The following PEX7 variants were observed in gnomAD, a reference collection of about 807,000 sequenced individuals.
PEX7 encodes the protein peroxisomal biogenesis factor 7.
In PEX7, 34 loss-of-function variants were observed where a neutral mutation model predicts 47.5. That is an observed-to-expected ratio of 0.72 (90% CI 0.54 to 0.95). The LOEUF (loss-of-function observed/expected upper bound fraction) is 0.95, where lower values mean the gene tolerates loss of function less well. PEX7 is among the 40% of genes least tolerant of loss of function. The probability of loss-of-function intolerance (pLI) is 0.00; values close to 1 mark genes in which losing one functional copy is unlikely to be tolerated. For synonymous variants in PEX7, 141 were observed against 148.8 expected (o/e 0.95, Z 0.38); for missense variants, 394 against 400.3 (o/e 0.98, Z 0.13).
At position 136,913,453 on chromosome 6, in the gene PEX7, T is replaced by C. The variant is rs1373481306; in HGVS notation, c.904-5T>C. 1 of 1,607,836 alleles carries C rather than the reference T, an allele frequency of 6.2e-7. No homozygotes were observed. Among genetic ancestry groups the C allele is most frequent in the Non-Finnish European group, 8.5e-7 (1 of 1,174,752 alleles). ...GTTTCTTCTTACTTCATTTTTGTTT[T>C]CTAGGTGGCTGACTGTTCTTGGGAT... On this transcript the variant is annotated splice_polypyrimidine_tract_variant and splice_region_variant and intron_variant, in intron 9 of 9. Transcript: ENST00000318471.
In PEX7 at chr6:136,900,469, C is replaced by CA; in HGVS notation, c.903+2229dup. ...CTTGGGACCAAGGACATTGCCCCCC[C>CA]AGTGACAGCAGATCTCATCGTGTCT... On this transcript the variant is annotated intron_variant, in intron 9 of 9. Coordinates refer to ENST00000318471, the MANE Select transcript of PEX7 (RefSeq NM_000288.4). This position sits in a 1 kb window ranked among gnomAD's most constrained non-coding sequence, Gnocchi z 4.2. The CA allele has an allele frequency of 4.3e-6, 2 of 462,292 alleles. No individual in the cohort carries two copies. The highest frequency in any genetic ancestry group is 8.6e-6 in the Non-Finnish European group (2 of 232,812). The allele number at this position is 462,292 out of a possible 1,614,324, so 28.6% of individuals were successfully genotyped here.
rs1469654806 is a variant in PEX7 at position 136,822,735 on chromosome 6, T to G, written c.70T>G (p.Phe24Val). 4.6e-6 allele frequency: 7 copies of G among 1,510,768 alleles called. No individual in the cohort carries two copies. In the East Asian group the frequency reaches 1.3e-4, roughly 29 times the overall value. 93.6% of individuals were successfully genotyped at this position (1,510,768 alleles called of 1,614,324 possible). ...TPGRHGYAAE[F>V]SPYLPGRLAC... ...GGGACGCCACGGCTACGCCGCCGAG[T>G]TCTCCCCGTACCTGCCGGGCCGCCT... is the stretch of plus-strand genomic sequence containing the variant. Residue 24 changes from phenylalanine to valine, a missense_variant, in exon 1 of 10, where the codon TTC (phenylalanine) becomes GTC (valine). Coordinates refer to ENST00000318471, the MANE Select transcript of PEX7 (RefSeq NM_000288.4).
At chr6:136,830,510 G>A (rs1774274593) in intron 3 of PEX7, among the ~76,000 whole-genome samples, 1 of 152,218 alleles carries the variant, frequency 6.6e-6, no homozygotes, top group African/African-American at 2.4e-5. Context: ...TAGCATCGAA[G>A]TAGGAATCAA....
intron 2 of PEX7, 118 bp from the exon 3 acceptor site, chr6:136,826,201 T>C (rs1417818818): frequency 3.7e-6 from 4 of 1,078,422 alleles, no homozygotes; most frequent in Admixed American, 3.5e-5. Context: ...ACATGAGATA[T>C]ACGTGTTAAA....
At chr6:136,903,909 T>G (rs1387404337) in intron 9 of PEX7, among the ~76,000 whole-genome samples, 6 of 151,640 alleles carry the variant, frequency 4.0e-5, no homozygotes, top group Non-Finnish European at 8.8e-5. Context: ...TGGGCTCAAG[T>G]GATCCTCCCA....
intron 9 of PEX7, 41 bp from the exon 10 acceptor site, chr6:136,913,417 T>C (rs529912700): frequency 7.0e-6 from 10 of 1,419,890 alleles, no homozygotes; most frequent in Non-Finnish European, 1.0e-5. Context: ...AATTTTTGTA[T>C]GTCTAAATAC....
At chr6:136,870,792 G>C (rs1415297309) in intron 7 of PEX7, 1 of 400,766 alleles carries the variant, frequency 2.5e-6, no homozygotes, top group Non-Finnish European at 5.0e-6. Flanking sequence ...TGCCTTCTGG[G>C]TTCAAGCTGT....
chr6:136,844,266 G>T (rs965171916), intron 3 of PEX7, among the ~76,000 whole-genome samples: 3 of 152,136 alleles, frequency 2.0e-5, no homozygotes, highest in Non-Finnish European at 2.9e-5. Context: ...TACTTAGGAG[G>T]CTGAGGTGTG....
chr6:136,870,783 G>A, intron 7 of PEX7: 1 of 405,100 alleles, frequency 2.5e-6, no homozygotes, highest in Non-Finnish European at 4.9e-6. Flanking sequence ...TGCAACCTCT[G>A]CCTTCTGGGT....
chr6:136,890,603 G>A (rs1288168330), intron 8 of PEX7, among the ~76,000 whole-genome samples: 2 of 152,116 alleles, frequency 1.3e-5, no homozygotes, highest in African/African-American at 2.4e-5. Flanking sequence ...CCTCTGCTGA[G>A]GAGAGAGTTG....
At chr6:136,911,834 A>G (rs987981688) in intron 9 of PEX7, among the ~76,000 whole-genome samples, 2 of 152,204 alleles carry the variant, frequency 1.3e-5, no homozygotes, top group Non-Finnish European at 2.9e-5. Flanking sequence ...GTCAAAAGAT[A>G]GGTATGTGTT....
At chr6:136,862,498 C>A (rs917816053) in intron 5 of PEX7, among the ~76,000 whole-genome samples, 1 of 151,910 alleles carries the variant, frequency 6.6e-6, no homozygotes, top group Non-Finnish European at 1.5e-5. Flanking sequence ...ACCTCAACCT[C>A]CAGAGTAGCT....
chr6:136,855,057 C>G (rs547617260), intron 5 of PEX7, among the ~76,000 whole-genome samples: 2 of 151,394 alleles, frequency 1.3e-5, no homozygotes, highest in African/African-American at 4.8e-5. Flanking sequence ...CACCGTACCC[C>G]AGCCTGGGCA....
chr6:136,846,550 G>A (rs1296756385), intron 5 of PEX7, among the ~76,000 whole-genome samples: 2 of 151,670 alleles, frequency 1.3e-5, no homozygotes, highest in Non-Finnish European at 2.9e-5. Flanking sequence ...GTGTCCAAGT[G>A]TTCTCATTGT....
intron 8 of PEX7, among the ~76,000 whole-genome samples, chr6:136,892,316 T>C (rs189645237): frequency 6.6e-6 from 1 of 152,332 alleles, no homozygotes; most frequent in South Asian, 2.1e-4. Context: ...ATTTGAACTT[T>C]CAGGGTGTTA....
intron 3 of PEX7, among the ~76,000 whole-genome samples, chr6:136,827,660 G>A (rs907782556): frequency 3.3e-5 from 5 of 151,952 alleles, no homozygotes; most frequent in African/African-American, 9.7e-5. Flanking sequence ...AGCCACCCGA[G>A]TAGCTGGGAT....
At chr6:136,882,172 CTTCT>C (rs1775386851) in intron 8 of PEX7, among the ~76,000 whole-genome samples, 1 of 129,186 alleles carries the variant, frequency 7.7e-6, no homozygotes, top group Non-Finnish European at 1.6e-5. Context: ...CCCTCTTCTT[CTTCT>C]TTTTTTTTTT....
Position 136,825,255 on chromosome 6 carries a change from C to T in PEX7, c.172C>T (p.Leu58=), listed in dbSNP as rs758230233. The T allele has an allele frequency of 6.2e-7, 1 of 1,613,344 alleles. No homozygotes were observed. The highest frequency in any genetic ancestry group is 1.1e-5 in the South Asian group (1 of 91,054). Reference sequence around the variant, plus strand: ...AATATTGGATCCAGATGAAGCTGGGCTAAGGCTTTTTAGAAGGTAAGGGGG... The same window carrying T: ...AATATTGGATCCAGATGAAGCTGGGTTAAGGCTTTTTAGAAGGTAAGGGGG... ...LLILDPDEAG[L]RLFRSFDWND... Residue 58 remains leucine, a synonymous_variant, in exon 2 of 10, where the codon CTA becomes TTA. Coordinates refer to ENST00000318471, the MANE Select transcript of PEX7 (RefSeq NM_000288.4).
intron 9 of PEX7, among the ~76,000 whole-genome samples, chr6:136,909,758 G>T (rs187905115): frequency 6.6e-6 from 1 of 152,214 alleles, no homozygotes; most frequent in African/African-American, 2.4e-5. Flanking sequence ...ATTAAGTATA[G>T]ATTTATGAAC....
Sources: allele counts gnomAD v4.1 joint callset (sites outside exome capture counted in the v4.1 genomes callset), GRCh38; gene constraint gnomAD v4.1.1; non-coding constraint Gnocchi (gnomAD v3.1); transcripts MANE v1.5; gene names NCBI Gene and HGNC (gene_info 2026-07-23, HGNC 2026-07-21).